Variants in NCKAP5 observed in about 807,000 individuals in gnomAD.
NCKAP5 encodes nck-associated protein 5.
Under a neutral mutation model 167.0 loss-of-function variants are expected in NCKAP5, and 92 were observed. The observed-to-expected ratio is 0.55, with a 90% CI of 0.47 to 0.66. NCKAP5 has a LOEUF of 0.66. NCKAP5 is among the 30% of genes least tolerant of loss of function. The pLI, the probability that NCKAP5 is intolerant of heterozygous loss-of-function variation, is 0.00. For synonymous variants in NCKAP5, 891 were observed against 877.4 expected, an observed-to-expected ratio of 1.02 and a Z score of -0.27; for missense variants, 2,378 against 2,315.0, an observed-to-expected ratio of 1.03 and a Z score of -0.56.
chr2:132,706,619 T>C (rs1350527923), intron 19 of NCKAP5, among the ~76,000 whole-genome samples: 1 of 152,076 alleles, frequency 6.6e-6, no homozygotes, highest in Non-Finnish European at 1.5e-5. Flanking sequence ...GCTATCTGCT[T>C]GTCTGTTTTG....
At chr2:133,331,415 A>G (rs1223899541) in intron 3 of NCKAP5, among the ~76,000 whole-genome samples, 1 of 152,210 alleles carries the variant, frequency 6.6e-6, no homozygotes, top group Admixed American at 6.5e-5. Flanking sequence ...CTTCTCTCCC[A>G]ACAGAGCTTA....
intron 6 of NCKAP5, among the ~76,000 whole-genome samples, chr2:133,113,388 C>T (rs1047599939): frequency 1.3e-5 from 2 of 152,198 alleles, no homozygotes; most frequent in Non-Finnish European, 2.9e-5. Context: ...ATGTCAAAAG[C>T]ATTTAAAAAT....
chr2:133,516,168 A>C (rs1420622481), intron 3 of NCKAP5, among the ~76,000 whole-genome samples: 1 of 152,172 alleles, frequency 6.6e-6, no homozygotes. Flanking sequence ...ATATGTAAAA[A>C]GTGTTTTTCT....
chr2:133,547,453 A>G (rs888645563), intron 2 of NCKAP5, among the ~76,000 whole-genome samples: 5 of 152,120 alleles, frequency 3.3e-5, no homozygotes, highest in African/African-American at 1.2e-4. Flanking sequence ...AGACAGCAGT[A>G]ACCTCTGCAG....
intron 5 of NCKAP5, among the ~76,000 whole-genome samples, chr2:133,142,444 G>GT (rs1177288029): frequency 6.6e-6 from 1 of 152,122 alleles, no homozygotes; most frequent in East Asian, 1.9e-4. Flanking sequence ...ATGACTGCAG[G>GT]TCTTTTGCAT....
intron 6 of NCKAP5, among the ~76,000 whole-genome samples, chr2:133,087,885 T>A (rs2081044591): frequency 6.6e-6 from 1 of 152,218 alleles, no homozygotes; most frequent in Non-Finnish European, 1.5e-5. Flanking sequence ...GGCACTGTGT[T>A]GTTTGTACAT....
intron 3 of NCKAP5, among the ~76,000 whole-genome samples, chr2:133,343,096 G>T (rs1465113905): frequency 6.6e-6 from 1 of 152,220 alleles, no homozygotes; most frequent in Non-Finnish European, 1.5e-5. Flanking sequence ...ATCACAGATT[G>T]TGTGGTACAC....
chr2:133,075,464 C>A (rs961204373), intron 6 of NCKAP5, among the ~76,000 whole-genome samples: 3 of 152,098 alleles, frequency 2.0e-5, no homozygotes, highest in African/African-American at 7.2e-5. Flanking sequence ...TATTTTTATT[C>A]TTTTAAGTTC....
At chr2:132,916,527 C>T (rs190477662) in intron 8 of NCKAP5, among the ~76,000 whole-genome samples, 3 of 152,234 alleles carry the variant, frequency 2.0e-5, no homozygotes, top group African/African-American at 4.8e-5. Context: ...AGAAGAATGA[C>T]TGGCGTGTAG....
chr2:132,940,636 C>CGGTAGGAA (rs1697227188), intron 8 of NCKAP5, among the ~76,000 whole-genome samples: 1 of 151,848 alleles, frequency 6.6e-6, no homozygotes, highest in Non-Finnish European at 1.5e-5. Context: ...ATTGAAATGA[C>CGGTAGGAA]GGTAGGAATC....
At chr2:132,762,735 G>C (rs1681114402) in intron 16 of NCKAP5, among the ~76,000 whole-genome samples, 1 of 152,288 alleles carries the variant, frequency 6.6e-6, no homozygotes, top group East Asian at 1.9e-4. Flanking sequence ...TCAGTTCCAT[G>C]GCAAGAAAAG....
rs182109231 is a variant in NCKAP5 at position 133,260,527 on chromosome 2, C to T, written c.143+42510G>A. 6.5e-4 allele frequency among the ~76,000 whole-genome samples: 99 copies of T among 152,270 alleles called. 1 individual carries two copies. Among genetic ancestry groups the T allele is most frequent in the African/African-American group, 2.2e-3 (92 of 41,566 alleles). On this transcript the variant is annotated intron_variant, in intron 4 of 19. Coordinates refer to ENST00000409261, the MANE Select transcript of NCKAP5 (RefSeq NM_207363.3). ...AATATTTAGATAGCCCTACATGATT[C>T]TTCTCCCATGTCACAGTAATGCAGG...
At chr2:132,834,984 T>C (rs1426062681) in intron 11 of NCKAP5, among the ~76,000 whole-genome samples, 1 of 152,176 alleles carries the variant, frequency 6.6e-6, no homozygotes, top group East Asian at 1.9e-4. Context: ...TTGAGGTATG[T>C]TCCTTTAATG....
At chr2:133,616,903 A>G in the NCKAP5 span, among the ~76,000 whole-genome samples, 1 of 152,256 alleles carries the variant, frequency 6.6e-6, no homozygotes, top group Non-Finnish European at 1.5e-5. Context: ...AAAATCCTCA[A>G]GAAAATACTG....
chr2:133,134,525 T>C (rs577525958), intron 5 of NCKAP5, among the ~76,000 whole-genome samples: 12 of 152,302 alleles, frequency 7.9e-5, no homozygotes, highest in Admixed American at 4.6e-4. Flanking sequence ...CTGGACACCA[T>C]GGTGGAGAAA....
At chr2:133,153,833 C>CT (rs570596198) in intron 5 of NCKAP5, among the ~76,000 whole-genome samples, 4,015 of 109,654 alleles carry the variant, frequency 0.037, 162 homozygotes, top group African/African-American at 0.062. Context: ...GTTCCTCCTT[C>CT]TTTTTTTTTT....
rs2079449411 is a variant in NCKAP5, at chr2:133,047,690, A to T, written c.342-53451T>A. Among the ~76,000 whole-genome samples the T allele has an allele frequency of 2.6e-5, 4 of 152,304 alleles. 1 individual carries two copies. The South Asian group carries it at 8.3e-4, about 32-fold the overall frequency. On this transcript the variant is annotated intron_variant, in intron 6 of 19. Coordinates refer to ENST00000409261, the MANE Select transcript of NCKAP5 (RefSeq NM_207363.3). ...AATTTTAATTGTTTAAAATTTGTAA[A>T]CACTCCAGAAAAACCTCATTAAGCT... is the stretch of plus-strand genomic sequence containing the variant.
intron 4 of NCKAP5, among the ~76,000 whole-genome samples, chr2:133,242,242 T>TTCTTA (rs563543482): frequency 7.4e-5 from 11 of 147,972 alleles, no homozygotes; most frequent in Non-Finnish European, 1.5e-4. Context: ...TACTCTGTTT[T>TTCTTA]TCTTTTCTTT....
At chr2:133,125,806 T>C (rs1024012018) in intron 6 of NCKAP5, among the ~76,000 whole-genome samples, 1 of 152,244 alleles carries the variant, frequency 6.6e-6, no homozygotes, top group Non-Finnish European at 1.5e-5. Flanking sequence ...CAATTTCTGA[T>C]GTATGAGCTT....
Sources: allele counts gnomAD v4.1 joint callset (sites outside exome capture counted in the v4.1 genomes callset), GRCh38; gene constraint gnomAD v4.1.1; transcripts MANE v1.5; gene names NCBI Gene and HGNC (gene_info 2026-07-23, HGNC 2026-07-21).